The following TMOD1 variants were observed in gnomAD, a reference collection of about 807,000 sequenced individuals.
The protein encoded by TMOD1 is tropomodulin 1.
A neutral mutation model predicts 40.6 loss-of-function variants in TMOD1; 17 were observed. That is an observed-to-expected ratio of 0.42 (90% CI 0.29 to 0.63). The LOEUF is 0.63. TMOD1 is among the 20% of genes least tolerant of loss of function. The pLI is 0.22. For synonymous variants in TMOD1, 181 were observed against 175.0 expected (o/e 1.03, Z -0.27); for missense variants, 391 against 447.6 (o/e 0.87, Z 1.14).
At chr9:97,598,106 A>T (rs1163593811) in intron 9 of TMOD1, among the ~76,000 whole-genome samples, 8 of 151,954 alleles carry the variant, frequency 5.3e-5, no homozygotes, top group Non-Finnish European at 8.8e-5. Context: ...GGCGTGGGGG[A>T]TCACTTGAGG....
chr9:97,509,180 T>C (rs2131206582), intron 1 of TMOD1, among the ~76,000 whole-genome samples: 1 of 152,324 alleles, frequency 6.6e-6, no homozygotes, highest in East Asian at 1.9e-4. Flanking sequence ...GCCATCCAGT[T>C]TGTGGTCATT....
rs1830559666 is a variant in TMOD1, at chr9:97,557,885, AT to A, written c.397+4486del. ...GATCTAGACTTAAAAAAAAAAAAAA[AT>A]CAAGTTCCCCAGTGCTAAATTCAGC... is the stretch of plus-strand genomic sequence containing the variant. On this transcript the variant is annotated intron_variant, in intron 4 of 9. Coordinates refer to ENST00000259365, the MANE Select transcript of TMOD1 (RefSeq NM_003275.4). This position sits in a 1 kb window ranked among gnomAD's most constrained non-coding sequence, Gnocchi z 4.4. 1.3e-5 allele frequency among the ~76,000 whole-genome samples: 2 copies of A among 152,048 alleles called. No homozygotes were observed. The highest frequency in any genetic ancestry group is 2.9e-5 in the Non-Finnish European group (2 of 67,994).
At chr9:97,576,062 C>G (rs113451978) in intron 8 of TMOD1, among the ~76,000 whole-genome samples, 2 of 152,340 alleles carry the variant, frequency 1.3e-5, no homozygotes, top group African/African-American at 4.8e-5. Context: ...AAATATCCAT[C>G]TACACCAGGG....
At chr9:97,523,911 C>T (rs1013000841) in intron 1 of TMOD1, among the ~76,000 whole-genome samples, 2 of 152,218 alleles carry the variant, frequency 1.3e-5, no homozygotes, top group African/African-American at 2.4e-5. Flanking sequence ...AATTAATGTC[C>T]ATGCCAATTC....
chr9:97,546,070 T>A lies in TMOD1; in HGVS notation c.121-115T>A, dbSNP rs1830355293. The stretch of plus-strand genomic sequence containing the variant: ...ACCATGGATTCCATGAGCTCTGAGG[T>A]CCCTTCTGTTCGATGATGAGTTTCT... On this transcript the variant is annotated intron_variant, in intron 2 of 9. Coordinates refer to ENST00000259365, the MANE Select transcript of TMOD1 (RefSeq NM_003275.4). 26 of 1,235,576 alleles carry A rather than the reference T, an allele frequency of 2.1e-5. No individual in the cohort carries two copies. The South Asian group carries it at 2.6e-4, about 13-fold the overall frequency. The allele number at this position is 1,235,576 out of a possible 1,614,324, so 76.5% of individuals were successfully genotyped here.
At chr9:97,578,264 A>G (rs1340681635) in intron 8 of TMOD1, among the ~76,000 whole-genome samples, 1 of 152,226 alleles carries the variant, frequency 6.6e-6, no homozygotes, top group East Asian at 1.9e-4. Context: ...CATGTTGGCC[A>G]GGATGGTCTC....
chr9:97,532,446 C>T (rs1222438123), intron 2 of TMOD1, among the ~76,000 whole-genome samples: 4 of 152,166 alleles, frequency 2.6e-5, no homozygotes, highest in African/African-American at 9.7e-5. Context: ...CCTTCACACC[C>T]CTAGCACAGC....
chr9:97,528,600 A>G (rs1369690091), intron 2 of TMOD1, among the ~76,000 whole-genome samples: 1 of 152,178 alleles, frequency 6.6e-6, no homozygotes, highest in African/African-American at 2.4e-5. Context: ...TCTTTTGGAG[A>G]GCACAAACAT....
intron 4 of TMOD1, among the ~76,000 whole-genome samples, chr9:97,559,792 A>ATATATATATATATATAT (rs1465118191): frequency 5.7e-5 from 2 of 35,088 alleles, no homozygotes; most frequent in African/African-American, 2.5e-4. Flanking sequence ...AAAAAAAAAA[A>ATATATATATATATATAT]AAATATATAT....
intron 1 of TMOD1, among the ~76,000 whole-genome samples, chr9:97,505,963 T>G (rs966704404): frequency 6.6e-6 from 1 of 152,172 alleles, no homozygotes; most frequent in Non-Finnish European, 1.5e-5. Context: ...CCCCATTTCC[T>G]AAGGGATAAA....
At chr9:97,546,929 CA>C (rs71308254) in intron 3 of TMOD1, among the ~76,000 whole-genome samples, 1,224 of 55,188 alleles carry the variant, frequency 0.022, 7 homozygotes, top group African/African-American at 0.07. Flanking sequence ...ACTCCGTCTC[CA>C]AAAAAAAAAA....
At chr9:97,529,514 G>A (rs541724908) in intron 2 of TMOD1, among the ~76,000 whole-genome samples, 2 of 151,222 alleles carry the variant, frequency 1.3e-5, no homozygotes, top group Non-Finnish European at 1.5e-5. Context: ...TGCAGCAGAG[G>A]ATTCCAAACT....
intron 4 of TMOD1, among the ~76,000 whole-genome samples, chr9:97,560,671 A>ATTTTTTTGTATTTTTTTGTATTTTTG (rs1830625405): frequency 6.8e-6 from 1 of 147,106 alleles, no homozygotes; most frequent in Non-Finnish European, 1.5e-5. Context: ...TTTGTATTGT[A>ATTTTTTTGTATTTTTTTGTATTTTTG]TATATATATA....
At chr9:97,568,348 T>C (rs938532189) in intron 7 of TMOD1, among the ~76,000 whole-genome samples, 1 of 152,034 alleles carries the variant, frequency 6.6e-6, no homozygotes, top group East Asian at 1.9e-4. Flanking sequence ...ACAACACCAG[T>C]ATGAAAACAA....
At chr9:97,520,114 C>A (rs1427281341) in intron 1 of TMOD1, among the ~76,000 whole-genome samples, 1 of 152,108 alleles carries the variant, frequency 6.6e-6, no homozygotes, top group Non-Finnish European at 1.5e-5. Context: ...CCTCACTTAT[C>A]CCTAACCCTT....
At chr9:97,576,905 C>T (rs913884424) in intron 8 of TMOD1, among the ~76,000 whole-genome samples, 1 of 152,140 alleles carries the variant, frequency 6.6e-6, no homozygotes, top group African/African-American at 2.4e-5. Context: ...TCCCAAATTG[C>T]TGGGATTACA....
chr9:97,509,277 TAAGACTGC>T (rs1829654002), intron 1 of TMOD1, among the ~76,000 whole-genome samples: 1 of 152,178 alleles, frequency 6.6e-6, no homozygotes, highest in Admixed American at 6.5e-5. Context: ...TCACAATTAT[TAAGACTGC>T]AAGAAATAAT....
At chr9:97,563,429 G>A (rs532705715) in intron 5 of TMOD1, among the ~76,000 whole-genome samples, 7 of 152,140 alleles carry the variant, frequency 4.6e-5, no homozygotes, top group Admixed American at 2.0e-4. Flanking sequence ...TCATTTTTTC[G>A]AATTAATATC....
chr9:97,575,070 T>G lies in TMOD1; in HGVS notation c.870+6033T>G, dbSNP rs564670177. ...CCCGCTCGGGTCCACTTCCGCACTG[T>G]GGAAACTTTGTTCTTTCTCTGTTTG... On this transcript the variant is annotated intron_variant, in intron 8 of 9. Coordinates refer to ENST00000259365, the MANE Select transcript of TMOD1 (RefSeq NM_003275.4). 5.3e-5 allele frequency among the ~76,000 whole-genome samples: 8 copies of G among 152,346 alleles called. No individual in the cohort carries two copies. The East Asian group carries it at 1.5e-3, about 29-fold the overall frequency.
Sources: allele counts gnomAD v4.1 joint callset (sites outside exome capture counted in the v4.1 genomes callset), GRCh38; gene constraint gnomAD v4.1.1; non-coding constraint Gnocchi (gnomAD v3.1); transcripts MANE v1.5; gene names NCBI Gene and HGNC (gene_info 2026-07-23, HGNC 2026-07-21).